Variants in PRKG1 observed in about 807,000 individuals in gnomAD.
The protein encoded by PRKG1 is cGMP-dependent protein kinase 1.
Under a neutral mutation model 88.1 loss-of-function variants are expected in PRKG1, and 35 were observed. That is an observed-to-expected ratio of 0.40 (90% confidence interval 0.30 to 0.53). PRKG1 has a LOEUF of 0.53. PRKG1 is among the 20% of genes least tolerant of loss of function. The pLI is 0.59. For synonymous variants in PRKG1, 303 were observed against 292.5 expected (o/e 1.04, Z -0.37); for missense variants, 540 against 839.8 (o/e 0.64, Z 4.41).
At chr10:52,058,409 T>A (rs1342045866) in intron 6 of PRKG1, among the ~76,000 whole-genome samples, 1 of 152,012 alleles carries the variant, frequency 6.6e-6, no homozygotes, top group Non-Finnish European at 1.5e-5. Context: ...TGAAAGGGTG[T>A]GACAAGTATA....
At chr10:51,945,076 T>A (rs1040619187) in intron 5 of PRKG1, among the ~76,000 whole-genome samples, 12 of 150,778 alleles carry the variant, frequency 8.0e-5, no homozygotes, top group African/African-American at 2.7e-4. Context: ...CCCATTATTA[T>A]TGTGTGGGAG....
intron 2 of PRKG1, among the ~76,000 whole-genome samples, chr10:51,339,939 T>A (rs554441517): frequency 1.3e-5 from 2 of 152,258 alleles, no homozygotes; most frequent in African/African-American, 4.8e-5. Flanking sequence ...TGAGACAAGA[T>A]GTTATCACAT....
chr10:51,760,983 G>T (rs1360758806), intron 3 of PRKG1, among the ~76,000 whole-genome samples: 1 of 152,020 alleles, frequency 6.6e-6, no homozygotes, highest in Non-Finnish European at 1.5e-5. Flanking sequence ...AGTCTGGTGT[G>T]CATGCCTGTA....
intron 3 of PRKG1, among the ~76,000 whole-genome samples, chr10:51,759,367 A>G (rs1176992591): frequency 6.6e-6 from 1 of 151,896 alleles, no homozygotes; most frequent in Non-Finnish European, 1.5e-5. Flanking sequence ...CCCAGGTTCA[A>G]GCGATTTTCC....
intron 3 of PRKG1, among the ~76,000 whole-genome samples, chr10:51,488,597 A>C (rs747751940): frequency 6.6e-6 from 1 of 152,148 alleles, no homozygotes; most frequent in Non-Finnish European, 1.5e-5. Context: ...TTTGGCTTGA[A>C]ATGTAATCAT....
chr10:51,276,824 T>C (rs968277539), intron 2 of PRKG1, among the ~76,000 whole-genome samples: 3 of 152,208 alleles, frequency 2.0e-5, no homozygotes, highest in Admixed American at 1.3e-4. Context: ...TTTTTTCTCG[T>C]AAATTTGTTT....
chr10:52,261,663 G>A (rs1439448829), intron 10 of PRKG1, among the ~76,000 whole-genome samples: 2 of 152,016 alleles, frequency 1.3e-5, no homozygotes, highest in East Asian at 1.9e-4. Flanking sequence ...TATGAAACAA[G>A]GCAAATGCTA....
intron 9 of PRKG1, among the ~76,000 whole-genome samples, chr10:52,247,178 A>G (rs1841046700): frequency 6.6e-6 from 1 of 152,160 alleles, no homozygotes; most frequent in Non-Finnish European, 1.5e-5. Context: ...AATAATAACA[A>G]TAATAATTTT....
chr10:52,242,921 G>A (rs868071843), intron 9 of PRKG1, among the ~76,000 whole-genome samples: 1 of 48,072 alleles, frequency 2.1e-5, no homozygotes, highest in Non-Finnish European at 9.4e-5. Flanking sequence ...GAAGGAGAAA[G>A]AGAAGAAGAA....
chr10:52,297,088 A>G lies in PRKG1; in HGVS notation c.*3188A>G, dbSNP rs1842400108. The G allele has an allele frequency of 6.6e-6, 1 of 152,152 alleles. No individual in the cohort carries two copies. The highest frequency in any genetic ancestry group is 1.5e-5 in the Non-Finnish European group (1 of 68,014). The allele number at this position is 152,152 out of a possible 1,614,324, so 9.4% of individuals were successfully genotyped here. The stretch of plus-strand genomic sequence containing the variant: ...AATAGAGGTGATCTGTGCATTATCC[A>G]TAACAACGTTTTCTTTCACTATAGG... On this transcript the variant is annotated 3_prime_UTR_variant, in exon 18 of 18. Coordinates refer to ENST00000373980, the MANE Select transcript of PRKG1 (RefSeq NM_006258.4).
chr10:51,469,982 C>T lies in PRKG1; in HGVS notation c.592+2146C>T, dbSNP rs984001145. On this transcript the variant is annotated intron_variant, in intron 3 of 17. Transcript: ENST00000373980. Reference sequence around the variant, plus strand: ...ATAATGTTTGTTTATTGTTTCAGGACTTTTTTGTCCTGCCACCTCTGCTAT... The same window carrying T: ...ATAATGTTTGTTTATTGTTTCAGGATTTTTTTGTCCTGCCACCTCTGCTAT... Among the ~76,000 whole-genome samples the T allele has an allele frequency of 2.0e-5, 3 of 151,822 alleles. No homozygotes were observed. In the East Asian group the frequency reaches 5.8e-4, roughly 29 times the overall value.
chr10:51,202,333 A>G (rs745657192), intron 2 of PRKG1, among the ~76,000 whole-genome samples: 9 of 152,198 alleles, frequency 5.9e-5, no homozygotes, highest in Non-Finnish European at 1.0e-4. Context: ...TAGAGCTCTA[A>G]TGGGATCAGG....
At chr10:51,646,214 A>G (rs181030700) in intron 3 of PRKG1, among the ~76,000 whole-genome samples, 29 of 152,298 alleles carry the variant, frequency 1.9e-4, no homozygotes, top group Non-Finnish European at 4.4e-5. Context: ...TCTTGACGCT[A>G]TTAGTACAAC....
chr10:52,055,100 C>G (rs556026522), intron 6 of PRKG1, among the ~76,000 whole-genome samples: 3 of 152,306 alleles, frequency 2.0e-5, no homozygotes, highest in Admixed American at 1.3e-4. Flanking sequence ...GGTGCCATTG[C>G]ACTTCAGCCT....
chr10:52,073,415 T>C (rs1047660587), intron 7 of PRKG1, among the ~76,000 whole-genome samples: 4 of 152,310 alleles, frequency 2.6e-5, no homozygotes, highest in African/African-American at 9.6e-5. Context: ...GCTCTGGCAC[T>C]CCCTGTTGTG....
intron 2 of PRKG1, among the ~76,000 whole-genome samples, chr10:51,270,743 C>T (rs549053483): frequency 5.3e-5 from 8 of 152,234 alleles, no homozygotes; most frequent in African/African-American, 1.4e-4. Context: ...GCACCAATTC[C>T]ACTCCTTTGT....
intron 1 of PRKG1, among the ~76,000 whole-genome samples, chr10:51,013,712 T>G (rs1215762933): frequency 6.6e-6 from 1 of 152,124 alleles, no homozygotes; most frequent in Non-Finnish European, 1.5e-5. Flanking sequence ...TAAAAAAGAA[T>G]CTATAATATA....
chr10:51,189,655 G>A (rs1164360744), intron 2 of PRKG1, among the ~76,000 whole-genome samples: 1 of 151,718 alleles, frequency 6.6e-6, no homozygotes, highest in Non-Finnish European at 1.5e-5. Context: ...TAAACACATG[G>A]CCCCATTTGA....
chr10:51,556,193 C>T (rs1023176129), intron 3 of PRKG1, among the ~76,000 whole-genome samples: 6 of 151,928 alleles, frequency 3.9e-5, no homozygotes, highest in Non-Finnish European at 7.4e-5. Flanking sequence ...TCCTATCATA[C>T]ATGAATAAGT....
Sources: gnomAD v4.1 joint callset for allele counts (sites outside exome capture counted in the v4.1 genomes callset) on GRCh38, gnomAD v4.1.1 for gene constraint, MANE v1.5 for transcripts, NCBI Gene and HGNC (gene_info 2026-07-23, HGNC 2026-07-21) for gene names.